Variants in TRPC4AP observed in about 807,000 individuals in gnomAD.
TRPC4AP encodes the protein transient receptor potential cation channel subfamily C member 4 associated protein, also known as short transient receptor potential channel 4-associated protein.
A neutral mutation model predicts 99.0 loss-of-function variants in TRPC4AP; 45 were observed. The observed-to-expected ratio is 0.45, with a 90% CI of 0.36 to 0.58. TRPC4AP has a LOEUF of 0.58. TRPC4AP is among the 20% of genes least tolerant of loss of function. The pLI, the probability that TRPC4AP is intolerant of heterozygous loss-of-function variation, is 0.00. For missense variants in TRPC4AP, 879 were observed against 985.3 expected, an observed-to-expected ratio of 0.89 and a Z score of 1.44; for synonymous variants, 408 against 385.8, an observed-to-expected ratio of 1.06 and a Z score of -0.67.
chr20:35,092,377 G>A (rs967109733), intron 1 of TRPC4AP, among the ~76,000 whole-genome samples: 4 of 152,170 alleles, frequency 2.6e-5, no homozygotes, highest in Admixed American at 6.5e-5. Context: ...GTTCGTACAC[G>A]CCATCAGTGT....
At chr20:35,024,225 T>C (rs1035091625) in intron 8 of TRPC4AP, among the ~76,000 whole-genome samples, 15 of 152,054 alleles carry the variant, frequency 9.9e-5, no homozygotes, top group African/African-American at 3.6e-4. Context: ...AGGACATTCA[T>C]AGAGTTGTGC....
intron 3 of TRPC4AP, among the ~76,000 whole-genome samples, chr20:35,060,592 A>G (rs1392417977): frequency 7.9e-6 from 1 of 126,238 alleles, no homozygotes; most frequent in Non-Finnish European, 1.8e-5. Flanking sequence ...CTCCAAAAAA[A>G]AAAAAAAAAA....
chr20:35,050,044 TG>T (rs750281845), intron 5 of TRPC4AP, 50 bp from the exon 6 acceptor site: 1 of 1,585,496 alleles, frequency 6.3e-7, no homozygotes, highest in Middle Eastern at 1.7e-4. Flanking sequence ...AAATAAATTA[TG>T]AAAGTACAAG....
chr20:35,024,854 A>AAAAAAAAAAAAAAAAAAACAT lies in TRPC4AP; in HGVS notation c.1052-3499_1052-3498insATGTTTTTTTTTTTTTTTTTT, dbSNP rs1479270980. Among the ~76,000 whole-genome samples the AAAAAAAAAAAAAAAAAAACAT allele has an allele frequency of 4.5e-4, 40 of 89,478 alleles. 12 individuals carry two copies. Among genetic ancestry groups the AAAAAAAAAAAAAAAAAAACAT allele is most frequent in the East Asian group, 8.8e-4 (2 of 2,278 alleles). The allele number at this position is 89,478 out of a possible 152,430, so 58.7% of individuals were successfully genotyped here. ...AAAAAAAAAAAAAAAAAAAAAAAAA[A>AAAAAAAAAAAAAAAAAAACAT]ATTCTGTTTATTCATTAATCAGGTG... is the stretch of plus-strand genomic sequence containing the variant. On this transcript the variant is annotated intron_variant, in intron 8 of 18. Coordinates refer to ENST00000252015, the MANE Select transcript of TRPC4AP (RefSeq NM_015638.3).
chr20:35,066,985 T>C (rs1274834777), intron 3 of TRPC4AP, among the ~76,000 whole-genome samples: 1 of 152,158 alleles, frequency 6.6e-6, no homozygotes, highest in Admixed American at 6.5e-5. Flanking sequence ...TTTTAAAAAC[T>C]ATGCAGAGAA....
At chr20:35,073,216 T>G (rs2084371285) in intron 2 of TRPC4AP, among the ~76,000 whole-genome samples, 1 of 152,238 alleles carries the variant, frequency 6.6e-6, no homozygotes, top group Admixed American at 6.5e-5. Flanking sequence ...TCATGTCATC[T>G]GCAAACAGGG....
At position 35,070,230 on chromosome 20, in the gene TRPC4AP, C is replaced by T. The variant is rs745472608; in HGVS notation, c.298-818G>A. ...ACAGATAAATGATTCTTGTTACTTC[C>T]GGCTGCTAGGTTTCGGGGTGACTAG... On this transcript the variant is annotated intron_variant, in intron 2 of 18. Coordinates refer to ENST00000252015, the MANE Select transcript of TRPC4AP (RefSeq NM_015638.3). 4.0e-5 allele frequency among the ~76,000 whole-genome samples: 6 copies of T among 150,254 alleles called. No homozygotes were observed. The East Asian group carries it at 6.0e-4, about 15-fold the overall frequency.
chr20:35,071,634 AG>A (rs2084318103), intron 2 of TRPC4AP, among the ~76,000 whole-genome samples: 1 of 152,150 alleles, frequency 6.6e-6, no homozygotes, highest in African/African-American at 2.4e-5. Context: ...ATGGCTGCAT[AG>A]TACTCCATGG....
chr20:35,022,015 T>C (rs187417135), intron 8 of TRPC4AP, among the ~76,000 whole-genome samples: 47 of 152,344 alleles, frequency 3.1e-4, no homozygotes, highest in Non-Finnish European at 5.6e-4. Flanking sequence ...TCAGACTTGC[T>C]GGCTTTATGA....
At chr20:35,078,282 T>C in intron 1 of TRPC4AP, 108 bp from the exon 2 acceptor site, 1 of 1,192,496 alleles carries the variant, frequency 8.4e-7, no homozygotes, top group South Asian at 1.5e-5. Flanking sequence ...AGTTACAAAT[T>C]TATCTCTAAG....
intron 7 of TRPC4AP, among the ~76,000 whole-genome samples, chr20:35,038,216 T>A (rs2083367070): frequency 6.6e-6 from 1 of 151,482 alleles, no homozygotes; most frequent in Non-Finnish European, 1.5e-5. Context: ...GCTAATTTTA[T>A]GTTACGTGAC....
intron 1 of TRPC4AP, among the ~76,000 whole-genome samples, chr20:35,092,039 G>C (rs1405716333): frequency 6.6e-6 from 1 of 152,156 alleles, no homozygotes; most frequent in African/African-American, 2.4e-5. Context: ...CCTAATGTGG[G>C]AGACGGGCGA....
chr20:35,010,372 C>A, intron 11 of TRPC4AP, 84 bp from the exon 12 acceptor site: 2 of 1,117,650 alleles, frequency 1.8e-6, no homozygotes, highest in South Asian at 1.3e-5. Flanking sequence ...GAGTCTCCTG[C>A]CCACTTCCTG....
chr20:35,075,440 T>G (rs2084449983), intron 2 of TRPC4AP, among the ~76,000 whole-genome samples: 1 of 152,224 alleles, frequency 6.6e-6, no homozygotes, highest in African/African-American at 2.4e-5. Context: ...GGAGCTCTTG[T>G]AAGGCAGGCC....
intron 1 of TRPC4AP, among the ~76,000 whole-genome samples, chr20:35,086,529 G>GTT: frequency 4.4e-5 from 1 of 22,856 alleles, no homozygotes; most frequent in Middle Eastern, 0.045. Context: ...GTATATATGT[G>GTT]TGTGTGTGTG....
chr20:35,028,257 G>A (rs1264476743), intron 8 of TRPC4AP, among the ~76,000 whole-genome samples: 1 of 149,958 alleles, frequency 6.7e-6, no homozygotes, highest in African/African-American at 2.5e-5. Flanking sequence ...AGGCTGTAGT[G>A]TGATCTCGGC....
chr20:35,063,035 T>A (rs1488333202), intron 3 of TRPC4AP, among the ~76,000 whole-genome samples: 1 of 152,234 alleles, frequency 6.6e-6, no homozygotes, highest in Non-Finnish European at 1.5e-5. Context: ...ATAATCCTCA[T>A]GTGTCAAGGG....
chr20:35,056,186 T>C (rs1380637494), intron 4 of TRPC4AP, among the ~76,000 whole-genome samples: 1 of 152,182 alleles, frequency 6.6e-6, no homozygotes, highest in Admixed American at 6.5e-5. Context: ...TTGATTTATT[T>C]AACGACTTCA....
chr20:35,090,113 A>C (rs529846973), intron 1 of TRPC4AP, among the ~76,000 whole-genome samples: 50 of 142,896 alleles, frequency 3.5e-4, no homozygotes, highest in Middle Eastern at 7.4e-3. Context: ...AAAAAAAAAA[A>C]GGGTAAGCAA....
Sources: gnomAD v4.1 joint callset for allele counts (sites outside exome capture counted in the v4.1 genomes callset) on GRCh38, gnomAD v4.1.1 for gene constraint, MANE v1.5 for transcripts, NCBI Gene and HGNC (gene_info 2026-07-23, HGNC 2026-07-21) for gene names.